Variants in ADGRB3 observed in about 807,000 individuals in gnomAD.
The protein encoded by ADGRB3 is brain-specific angiogenesis inhibitor 3.
ADGRB3 carries 37 observed loss-of-function variants against 193.4 expected under a neutral mutation model. That is an observed-to-expected ratio of 0.19 (90% CI 0.15 to 0.25). The LOEUF is 0.25. Ranked by LOEUF, ADGRB3 falls within the 10% of genes least tolerant of loss-of-function variation. ADGRB3 has a pLI of 1.00. For missense variants in ADGRB3, 1,637 were observed against 1,852.9 expected, an observed-to-expected ratio of 0.88 and a Z score of 2.14; for synonymous variants, 690 against 644.2, an observed-to-expected ratio of 1.07 and a Z score of -1.08.
chr6:69,354,420 C>T, intron 27 of ADGRB3, 92 bp downstream of exon 27: 1 of 1,099,616 alleles, frequency 9.1e-7, no homozygotes. Context: ...GTAAAATTTT[C>T]ATTTTGATTG....
At chr6:68,791,590 A>T (rs1767109134) in intron 3 of ADGRB3, among the ~76,000 whole-genome samples, 1 of 152,158 alleles carries the variant, frequency 6.6e-6, no homozygotes, top group African/African-American at 2.4e-5. Flanking sequence ...TTCACTTCTA[A>T]CTGTGTAATT....
chr6:69,161,769 C>A (rs1405117662), intron 17 of ADGRB3, among the ~76,000 whole-genome samples: 1 of 152,046 alleles, frequency 6.6e-6, no homozygotes. Context: ...GGTTCAGTTA[C>A]TCTCCAGTTA....
rs140067032 is a variant in ADGRB3 at position 69,353,889 on chromosome 6, C to T, written c.3460-344C>T. On this transcript the variant is annotated intron_variant, in intron 26 of 31. Coordinates refer to ENST00000370598, the MANE Select transcript of ADGRB3 (RefSeq NM_001704.3). ...GACCAGCCTGACCAACATGGAGAAA[C>T]CCCATCTCTACTAAAAATACAATAT... is the stretch of plus-strand genomic sequence containing the variant. 1.2e-3 allele frequency among the ~76,000 whole-genome samples: 183 copies of T among 152,216 alleles called. 1 individual carries two copies. Among genetic ancestry groups the T allele is most frequent in the Admixed American group, 2.4e-3 (36 of 15,286 alleles).
chr6:69,302,396 G>A (rs1767965866), intron 20 of ADGRB3, among the ~76,000 whole-genome samples: 1 of 151,816 alleles, frequency 6.6e-6, no homozygotes, highest in South Asian at 2.1e-4. Context: ...TTTCTGGATT[G>A]GTTTCATTGG....
At position 69,049,302 on chromosome 6, in the gene ADGRB3, C is replaced by G; in HGVS notation, c.2289C>G (p.Gly763=). ...ELDESSVFVL[G]AVLYKNLDLI... ...ATGAATCATCTGTATTTGTTCTTGG[C>G]GCAGTCCTATACAAAAACTTAGATC... Residue 763 remains glycine, a synonymous_variant, in exon 15 of 32, where the codon GGC becomes GGG. Transcript: ENST00000370598. The G allele has an allele frequency of 3.1e-6, 5 of 1,608,324 alleles. No homozygotes were observed. The highest frequency in any genetic ancestry group is 4.2e-6 in the Non-Finnish European group (5 of 1,176,646).
intron 3 of ADGRB3, among the ~76,000 whole-genome samples, chr6:68,817,716 A>G (rs73745884): frequency 0.049 from 7,430 of 152,100 alleles, 599 homozygotes; most frequent in African/African-American, 0.17. Flanking sequence ...TCAATAAATT[A>G]TAGCTATCAT....
intron 3 of ADGRB3, among the ~76,000 whole-genome samples, chr6:68,648,455 G>A (rs1768266886): frequency 6.8e-6 from 1 of 147,586 alleles, no homozygotes; most frequent in Admixed American, 6.8e-5. Flanking sequence ...GTTTATTTGG[G>A]GAGTGTGAGT....
chr6:69,223,656 T>C (rs867092266), intron 17 of ADGRB3, among the ~76,000 whole-genome samples: 12,588 of 132,606 alleles, frequency 0.095, 276 homozygotes, highest in Middle Eastern at 0.11. Flanking sequence ...CTCTCTCTTT[T>C]TTTTTTTTTT....
intron 15 of ADGRB3, among the ~76,000 whole-genome samples, chr6:69,059,561 T>G (rs137989754): frequency 8.5e-4 from 130 of 152,270 alleles, no homozygotes; most frequent in African/African-American, 3.0e-3. Flanking sequence ...GAAAATAATT[T>G]TATTATTTGA....
At chr6:69,106,629 G>T (rs1582465356) in intron 17 of ADGRB3, among the ~76,000 whole-genome samples, 2 of 152,330 alleles carry the variant, frequency 1.3e-5, no homozygotes, top group East Asian at 3.9e-4. Flanking sequence ...CCAGCAGTTT[G>T]CCAGAGGCTT....
intron 20 of ADGRB3, among the ~76,000 whole-genome samples, chr6:69,247,432 C>T (rs1766521897): frequency 6.6e-6 from 1 of 152,134 alleles, no homozygotes; most frequent in African/African-American, 2.4e-5. Context: ...CTGTTCCCTC[C>T]TAGGGACCGT....
At chr6:68,644,427 G>A (rs1768156112) in intron 3 of ADGRB3, among the ~76,000 whole-genome samples, 1 of 151,916 alleles carries the variant, frequency 6.6e-6, no homozygotes, top group South Asian at 2.1e-4. Context: ...AAGAAAATTA[G>A]CCATTTTCTA....
At chr6:68,852,199 A>T (rs1768417284) in intron 3 of ADGRB3, among the ~76,000 whole-genome samples, 1 of 151,870 alleles carries the variant, frequency 6.6e-6, no homozygotes, top group Non-Finnish European at 1.5e-5. Context: ...CGTTTTAATC[A>T]TGAGTGTCCA....
chr6:68,970,749 C>A (rs1768537735), intron 8 of ADGRB3, among the ~76,000 whole-genome samples: 1 of 152,148 alleles, frequency 6.6e-6, no homozygotes, highest in Non-Finnish European at 1.5e-5. Context: ...AGGACACAGG[C>A]CCAACACATG....
At chr6:69,115,362 G>T (rs761725115) in intron 17 of ADGRB3, among the ~76,000 whole-genome samples, 6 of 151,932 alleles carry the variant, frequency 3.9e-5, no homozygotes, top group South Asian at 2.1e-4. Flanking sequence ...AACAAACACC[G>T]CATGTTCTCA....
intron 14 of ADGRB3, among the ~76,000 whole-genome samples, chr6:69,048,940 C>T (rs902175943): frequency 2.6e-5 from 4 of 152,090 alleles, no homozygotes; most frequent in African/African-American, 9.7e-5. Context: ...ATCGTACTCA[C>T]TTTTGCAGAT....
intron 16 of ADGRB3, among the ~76,000 whole-genome samples, chr6:69,065,110 G>C (rs1771861690): frequency 6.6e-6 from 1 of 152,130 alleles, no homozygotes; most frequent in South Asian, 2.1e-4. Flanking sequence ...AGAATTAATT[G>C]TGTCTTTCAG....
At chr6:68,759,303 A>T (rs559264539) in intron 3 of ADGRB3, among the ~76,000 whole-genome samples, 5 of 152,142 alleles carry the variant, frequency 3.3e-5, no homozygotes, top group Admixed American at 2.6e-4. Context: ...TATAATCAAC[A>T]TATTCCAAAT....
chr6:69,269,802 C>T (rs550671657), intron 20 of ADGRB3, among the ~76,000 whole-genome samples: 3 of 152,058 alleles, frequency 2.0e-5, no homozygotes, highest in Non-Finnish European at 4.4e-5. Context: ...AATAGGATTT[C>T]CTGTATCATA....
Sources: gnomAD v4.1 joint callset for allele counts (sites outside exome capture counted in the v4.1 genomes callset) on GRCh38, gnomAD v4.1.1 for gene constraint, MANE v1.5 for transcripts, NCBI Gene and HGNC (gene_info 2026-07-23, HGNC 2026-07-21) for gene names.